The following CDK7 variants were observed in gnomAD, a reference collection of about 807,000 sequenced individuals.
CDK7 encodes the protein cyclin-dependent kinase 7.
A neutral mutation model predicts 49.1 loss-of-function variants in CDK7; 25 were observed. The ratio of observed to expected loss-of-function variants is 0.51; its 90% CI spans 0.37 to 0.71. The LOEUF (loss-of-function observed/expected upper bound fraction) is 0.71. Ranked by LOEUF, CDK7 falls within the 30% of genes least tolerant of loss-of-function variation. The pLI is 0.00. For missense variants in CDK7, 316 were observed against 411.7 expected, an observed-to-expected ratio of 0.77 and a Z score of 2.01; for synonymous variants, 107 against 140.0, an observed-to-expected ratio of 0.76 and a Z score of 1.67.
At chr5:69,249,151 C>T (rs1749967937) in intron 2 of CDK7, among the ~76,000 whole-genome samples, 1 of 151,942 alleles carries the variant, frequency 6.6e-6, no homozygotes, top group Non-Finnish European at 1.5e-5. Flanking sequence ...AGGCACGTCT[C>T]ATTTCTTTAT....
At chr5:69,252,294 C>T in intron 2 of CDK7, 124 bp from the exon 3 acceptor site, 1 of 678,610 alleles carries the variant, frequency 1.5e-6, no homozygotes, top group East Asian at 2.8e-5. Flanking sequence ...CTAGTAGGTA[C>T]ATATTGGTTG....
chr5:69,244,516 A>T (rs1032524505), intron 2 of CDK7, among the ~76,000 whole-genome samples: 4 of 151,884 alleles, frequency 2.6e-5, no homozygotes, highest in African/African-American at 9.7e-5. Context: ...CATGCCTGTA[A>T]TCCCAGCTAC....
Position 69,269,138 on chromosome 5 carries a change from C to T in CDK7, c.628-69C>T, listed in dbSNP as rs1580337951. On this transcript the variant is annotated intron_variant, in intron 8 of 11. Transcript: ENST00000256443. Reference sequence around the variant, plus strand: ...TGGGTGACAGAGCGAGACTCTGTCTCTCTAAAAAAAGAAAAAAATTAAAAA... The same window carrying T: ...TGGGTGACAGAGCGAGACTCTGTCTTTCTAAAAAAAGAAAAAAATTAAAAA... The T allele has an allele frequency of 4.0e-6, 4 of 991,462 alleles. No homozygotes were observed. The East Asian group carries it at 7.4e-5, about 18-fold the overall frequency. The allele number at this position is 991,462 out of a possible 1,614,324, so 61.4% of individuals were successfully genotyped here. A position where few individuals can be genotyped will look rare whatever the true frequency, so the allele number is the denominator to read the frequency against.
At chr5:69,246,834 C>G (rs1749788440) in intron 2 of CDK7, among the ~76,000 whole-genome samples, 1 of 151,278 alleles carries the variant, frequency 6.6e-6, no homozygotes, top group Non-Finnish European at 1.5e-5. Context: ...TTTCAATTTT[C>G]TTCTTCATCT....
chr5:69,273,984 A>T (rs895661340), intron 10 of CDK7, among the ~76,000 whole-genome samples: 2 of 152,100 alleles, frequency 1.3e-5, no homozygotes, highest in Non-Finnish European at 2.9e-5. Flanking sequence ...TTTCTTTTTT[A>T]AAAAATTTTT....
intron 2 of CDK7, among the ~76,000 whole-genome samples, chr5:69,250,299 C>T (rs776439209): frequency 5.3e-5 from 8 of 152,106 alleles, no homozygotes. Flanking sequence ...TTAGGGGGTA[C>T]CCCGAACCCA....
chr5:69,241,127 T>C (rs975502856), intron 2 of CDK7, among the ~76,000 whole-genome samples: 14 of 152,106 alleles, frequency 9.2e-5, no homozygotes, highest in Middle Eastern at 3.2e-3. Context: ...GATCAAATGA[T>C]AGTTCTATTT....
In CDK7 at chr5:69,245,771, A is replaced by G. The variant is rs543819859; in HGVS notation, c.127-6647A>G. 2.7e-4 allele frequency among the ~76,000 whole-genome samples: 41 copies of G among 152,124 alleles called. 1 individual carries two copies. The South Asian group carries it at 7.5e-3, about 28-fold the overall frequency. Reference sequence around the variant, plus strand: ...AGGTTTTCAGTTTTTTCATGGTTCAATCTTGGTAGGTTGTTTGTGTCTAGG... The same window carrying G: ...AGGTTTTCAGTTTTTTCATGGTTCAGTCTTGGTAGGTTGTTTGTGTCTAGG... On this transcript the variant is annotated intron_variant, in intron 2 of 11. Coordinates refer to ENST00000256443, the MANE Select transcript of CDK7 (RefSeq NM_001799.4).
At chr5:69,243,059 A>G (rs1443202931) in intron 2 of CDK7, among the ~76,000 whole-genome samples, 1 of 152,196 alleles carries the variant, frequency 6.6e-6, no homozygotes, top group African/African-American at 2.4e-5. Flanking sequence ...AAAAAAAGCA[A>G]AGATGGAGTC....
chr5:69,257,031 A>G (rs891420071), intron 5 of CDK7, among the ~76,000 whole-genome samples: 1 of 152,240 alleles, frequency 6.6e-6, no homozygotes, highest in African/African-American at 2.4e-5. Flanking sequence ...ATGCAGCAAC[A>G]TAGATGAATC....
At chr5:69,258,218 G>T in intron 6 of CDK7, 65 bp downstream of exon 6, 1 of 658,276 alleles carries the variant, frequency 1.5e-6, no homozygotes, top group Non-Finnish European at 2.6e-6. Flanking sequence ...GGTACATAGT[G>T]GTCTGAATAT....
chr5:69,249,160 A>AT lies in CDK7; in HGVS notation c.127-3250dup, dbSNP rs993383435. ...TCTTGTAGGCACGTCTCATTTCTTT[A>AT]TTTTTTTTCTTTTGTCTCCTCTGTT... On this transcript the variant is annotated intron_variant, in intron 2 of 11. Coordinates refer to ENST00000256443, the MANE Select transcript of CDK7 (RefSeq NM_001799.4). Among the ~76,000 whole-genome samples, 20 of 149,822 alleles carry AT rather than the reference A, an allele frequency of 1.3e-4. No individual in the cohort carries two copies. The South Asian group carries it at 1.5e-3, about 11-fold the overall frequency.
At chr5:69,264,637 C>T (rs1372515548) in intron 8 of CDK7, among the ~76,000 whole-genome samples, 1 of 152,150 alleles carries the variant, frequency 6.6e-6, no homozygotes, top group Non-Finnish European at 1.5e-5. Flanking sequence ...TAGTGAAGCA[C>T]TGCTAGATGT....
chr5:69,259,057 C>CA (rs1366510012), intron 6 of CDK7, among the ~76,000 whole-genome samples: 1 of 148,690 alleles, frequency 6.7e-6, no homozygotes, highest in Non-Finnish European at 1.5e-5. Flanking sequence ...GTCTGGGTGA[C>CA]AGAGTGAAAC....
At chr5:69,269,494 C>CT (rs1410030336) in intron 9 of CDK7, among the ~76,000 whole-genome samples, 1 of 152,040 alleles carries the variant, frequency 6.6e-6, no homozygotes, top group Non-Finnish European at 1.5e-5. Context: ...ACATGTAGTC[C>CT]TTTCCCCCCA....
At chr5:69,269,126 G>A (rs554044020) in intron 8 of CDK7, 81 bp from the exon 9 acceptor site, 14 of 823,802 alleles carry the variant, frequency 1.7e-5, no homozygotes, top group East Asian at 5.2e-5. Flanking sequence ...GTGACAGAGC[G>A]AGACTCTGTC....
intron 5 of CDK7, among the ~76,000 whole-genome samples, chr5:69,256,550 G>A (rs971506705): frequency 2.7e-5 from 4 of 150,030 alleles, no homozygotes; most frequent in South Asian, 4.3e-4. Context: ...TATGTTGGAC[G>A]GGATGGTTTC....
At chr5:69,248,482 G>C (rs1749902514) in intron 2 of CDK7, among the ~76,000 whole-genome samples, 1 of 152,026 alleles carries the variant, frequency 6.6e-6, no homozygotes, top group Non-Finnish European at 1.5e-5. Flanking sequence ...CCTCCTCCCG[G>C]GTTCAAGCGA....
intron 9 of CDK7, among the ~76,000 whole-genome samples, chr5:69,270,484 G>A (rs6887195): frequency 3.3e-5 from 5 of 152,088 alleles, no homozygotes; most frequent in African/African-American, 1.2e-4. Flanking sequence ...ATATTTCACG[G>A]ACCCTTTACC....
Sources: allele counts gnomAD v4.1 joint callset (sites outside exome capture counted in the v4.1 genomes callset), GRCh38; gene constraint gnomAD v4.1.1; transcripts MANE v1.5; gene names NCBI Gene and HGNC (gene_info 2026-07-23, HGNC 2026-07-21).